The following SBF2 variants were observed in gnomAD, a reference collection of about 807,000 sequenced individuals.
The protein encoded by SBF2 is SET binding factor 2.
A neutral mutation model predicts 225.2 loss-of-function variants in SBF2; 112 were observed. The ratio of observed to expected loss-of-function variants is 0.50; its 90% confidence interval spans 0.43 to 0.58. The LOEUF is 0.58. Among genes scored for constraint, SBF2 ranks in the 20% least tolerant of loss-of-function variants. The pLI is 0.00. For missense variants in SBF2, 1,996 were observed against 2,206.2 expected (o/e 0.90, Z 1.91); for synonymous variants, 763 against 773.3 (o/e 0.99, Z 0.22).
At chr11:10,206,168 A>G (rs1957745805) in intron 1 of SBF2, among the ~76,000 whole-genome samples, 1 of 151,054 alleles carries the variant, frequency 6.6e-6, no homozygotes, top group Non-Finnish European at 1.5e-5. Flanking sequence ...CCCCTCCCCC[A>G]CCAAGAGACA....
At position 9,786,407 on chromosome 11, in the gene SBF2, AAACTATTATTTTTC is replaced by A. The variant is rs550232102; in HGVS notation, c.5038-1103_5038-1090del. Reference sequence around the variant, plus strand: ...ACTTTCATTATTAGAAAAAATCAATAAACTATTATTTTTCTAACAAAAAAGCATTAAGGCATCAC... The same window carrying A: ...ACTTTCATTATTAGAAAAAATCAATATAACAAAAAAGCATTAAGGCATCAC... On this transcript the variant is annotated intron_variant, in intron 36 of 39. Transcript: ENST00000256190. 4.6e-5 allele frequency among the ~76,000 whole-genome samples: 7 copies of A among 152,298 alleles called. No homozygotes were observed. The East Asian group carries it at 1.3e-3, about 29-fold the overall frequency.
chr11:10,079,567 A>G lies in SBF2; in HGVS notation c.142-36586T>C, dbSNP rs189712127. On this transcript the variant is annotated intron_variant, in intron 2 of 39. Transcript: ENST00000256190. Reference sequence around the variant, plus strand: ...AAAGTTTTTTAAAAAAGGATTTAATAAACAAACAAAGCATTTGAGAAGTAT... The same window carrying G: ...AAAGTTTTTTAAAAAAGGATTTAATGAACAAACAAAGCATTTGAGAAGTAT... Among the ~76,000 whole-genome samples, 52 of 151,940 alleles carry G rather than the reference A, an allele frequency of 3.4e-4. No individual in the cohort carries two copies. The East Asian group carries it at 8.9e-3, about 26-fold the overall frequency.
At chr11:9,974,544 A>T (rs751226780) in intron 13 of SBF2, among the ~76,000 whole-genome samples, 23 of 151,940 alleles carry the variant, frequency 1.5e-4, no homozygotes, top group Admixed American at 5.9e-4. Flanking sequence ...TACAGTGACC[A>T]GCTAACAGTC....
At chr11:9,901,715 G>A (rs994487419) in intron 16 of SBF2, among the ~76,000 whole-genome samples, 2 of 152,076 alleles carry the variant, frequency 1.3e-5, no homozygotes, top group South Asian at 2.1e-4. Flanking sequence ...TGCAGTGTGC[G>A]CTCACTGCAG....
At chr11:9,961,769 G>T (rs978045292) in intron 16 of SBF2, 188 bp downstream of exon 16, 2 of 530,890 alleles carry the variant, frequency 3.8e-6, no homozygotes, top group South Asian at 5.8e-5. Context: ...AACAAAGAAA[G>T]AACAAAAACT....
At chr11:10,007,142 C>G (rs78858991) in intron 6 of SBF2, among the ~76,000 whole-genome samples, 1 of 152,098 alleles carries the variant, frequency 6.6e-6, no homozygotes, top group Non-Finnish European at 1.5e-5. Flanking sequence ...TCTGGTATCT[C>G]CTCTGTGAAA....
At chr11:9,889,467 TTAAA>T (rs1860618232) in intron 17 of SBF2, among the ~76,000 whole-genome samples, 1 of 152,196 alleles carries the variant, frequency 6.6e-6, no homozygotes, top group Non-Finnish European at 1.5e-5. Context: ...AATAAAGAAA[TTAAA>T]TAACTATAAA....
chr11:10,063,925 C>A (rs1950544232), intron 2 of SBF2, among the ~76,000 whole-genome samples: 1 of 150,040 alleles, frequency 6.7e-6, no homozygotes. Flanking sequence ...CTTCAAGTGG[C>A]CTAAAATATA....
intron 2 of SBF2, among the ~76,000 whole-genome samples, chr11:10,129,550 T>G (rs1335612864): frequency 6.6e-6 from 1 of 152,210 alleles, no homozygotes; most frequent in African/African-American, 2.4e-5. Context: ...TAGATCCTCC[T>G]TTAATTTTGT....
At chr11:9,939,198 C>T (rs746785913) in intron 16 of SBF2, among the ~76,000 whole-genome samples, 1 of 152,084 alleles carries the variant, frequency 6.6e-6, no homozygotes, top group Non-Finnish European at 1.5e-5. Flanking sequence ...AAGGTTCAAG[C>T]GAGTCTCCTG....
At chr11:9,897,420 T>C (rs1427751212) in intron 16 of SBF2, among the ~76,000 whole-genome samples, 1 of 152,102 alleles carries the variant, frequency 6.6e-6, no homozygotes, top group Admixed American at 6.6e-5. Context: ...ATATTTTTAG[T>C]AGAGACGGGG....
intron 26 of SBF2, chr11:9,839,251 A>G (rs1855937718): frequency 2.0e-6 from 1 of 503,266 alleles, no homozygotes; most frequent in Non-Finnish European, 3.6e-6. Flanking sequence ...AACTGGGAAG[A>G]GAAAGACAAG....
chr11:9,861,306 C>T (rs756671137), intron 17 of SBF2, among the ~76,000 whole-genome samples: 1 of 152,100 alleles, frequency 6.6e-6, no homozygotes, highest in Non-Finnish European at 1.5e-5. Context: ...GGGATTCTCC[C>T]GCCTTAACCT....
chr11:9,828,194 G>A lies in SBF2; in HGVS notation c.3793+1162C>T, dbSNP rs969330608. ...TGGCACTACCTGCTTAAGCACAGTG[G>A]ACATTCTTGAAGTCCTCCTTTCAGT... is the stretch of plus-strand genomic sequence containing the variant. On this transcript the variant is annotated intron_variant, in intron 28 of 39. Coordinates refer to ENST00000256190, the MANE Select transcript of SBF2 (RefSeq NM_030962.4). 2.4e-5 allele frequency: 31 copies of A among 1,289,602 alleles called. No homozygotes were observed. The East Asian group carries it at 1.7e-3, about 69-fold the overall frequency. 79.9% of individuals were successfully genotyped at this position (1,289,602 alleles called of 1,614,324 possible). A position where few individuals can be genotyped will look rare whatever the true frequency, so the allele number is the denominator to read the frequency against.
intron 3 of SBF2, among the ~76,000 whole-genome samples, chr11:10,031,605 T>C (rs1029329882): frequency 6.6e-6 from 1 of 152,262 alleles, no homozygotes; most frequent in African/African-American, 2.4e-5. Flanking sequence ...TGTTGGTTTT[T>C]CTACTTGTCT....
At chr11:9,852,011 G>A (rs1007661493) in intron 21 of SBF2, among the ~76,000 whole-genome samples, 2 of 152,224 alleles carry the variant, frequency 1.3e-5, no homozygotes, top group African/African-American at 4.8e-5. Context: ...CTGGGCTCAA[G>A]TCATCTGCCT....
intron 16 of SBF2, among the ~76,000 whole-genome samples, chr11:9,919,456 G>A (rs1036087028): frequency 1.3e-5 from 2 of 152,030 alleles, no homozygotes; most frequent in Non-Finnish European, 2.9e-5. Flanking sequence ...CCCCGAGTGA[G>A]CAATTTCTGT....
chr11:9,829,612 C>T, intron 27 of SBF2, 116 bp from the exon 28 acceptor site: 1 of 889,532 alleles, frequency 1.1e-6, no homozygotes, highest in Non-Finnish European at 1.8e-6. Flanking sequence ...ATATAGTCTA[C>T]AAGTTACCAC....
At chr11:9,973,139 C>T (rs993839751) in intron 13 of SBF2, among the ~76,000 whole-genome samples, 6 of 152,100 alleles carry the variant, frequency 3.9e-5, no homozygotes, top group African/African-American at 9.7e-5. Context: ...AACTTGGTCG[C>T]GAAATGACTT....
Sources: allele counts gnomAD v4.1 joint callset (sites outside exome capture counted in the v4.1 genomes callset), GRCh38; gene constraint gnomAD v4.1.1; transcripts MANE v1.5; gene names NCBI Gene and HGNC (gene_info 2026-07-23, HGNC 2026-07-21).